Variants in SLC8A1 observed in about 807,000 individuals in gnomAD.
SLC8A1 encodes sodium/calcium exchanger 1.
In SLC8A1, 18 loss-of-function variants were observed where a neutral mutation model predicts 68.3. The ratio of observed to expected loss-of-function variants is 0.26; its 90% confidence interval spans 0.18 to 0.39. SLC8A1 has a LOEUF of 0.39. Ranked by LOEUF, SLC8A1 falls within the 10% of genes least tolerant of loss-of-function variation. The probability of loss-of-function intolerance (pLI) is 1.00; values close to 1 mark genes in which losing one functional copy is unlikely to be tolerated. For synonymous variants in SLC8A1, 475 were observed against 415.5 expected (o/e 1.14, Z -1.74); for missense variants, 985 against 1,156.7 (o/e 0.85, Z 2.15).
chr2:40,174,386 C>T (rs1412430434), intron 4 of SLC8A1, among the ~76,000 whole-genome samples: 2 of 152,068 alleles, frequency 1.3e-5, no homozygotes, highest in Admixed American at 6.5e-5. Flanking sequence ...TTCTATGTTT[C>T]TCTGAGGCTA....
chr2:40,482,951 C>T (rs906547121), intron 1 of SLC8A1, among the ~76,000 whole-genome samples: 2 of 147,662 alleles, frequency 1.4e-5, no homozygotes, highest in Admixed American at 6.7e-5. Context: ...CCACCACGCC[C>T]GGCTTTTTTT....
rs1468532032 is a variant in SLC8A1, at chr2:40,371,014, G to C, written c.1808+57459C>G. Among the ~76,000 whole-genome samples, 7 of 152,044 alleles carry C rather than the reference G, an allele frequency of 4.6e-5. No homozygotes were observed. In the East Asian group the frequency reaches 1.4e-3, roughly 30 times the overall value. On this transcript the variant is annotated intron_variant, in intron 2 of 7. Transcript: ENST00000406785. ...ACCTACATTTCATTTTCTGACTCGG[G>C]GTACCTAAGAGGCTGTCTCTCTTAC...
chr2:40,277,810 A>G (rs1030119110), intron 2 of SLC8A1, among the ~76,000 whole-genome samples: 3 of 110,010 alleles, frequency 2.7e-5, no homozygotes, highest in African/African-American at 5.9e-5. Flanking sequence ...ATATATATAT[A>G]TATATATATA....
chr2:40,347,710 G>A (rs565066577), intron 2 of SLC8A1, among the ~76,000 whole-genome samples: 14 of 152,200 alleles, frequency 9.2e-5, no homozygotes, highest in African/African-American at 2.4e-4. Flanking sequence ...AAATACTTTC[G>A]AAATATTGTG....
chr2:40,142,614 A>C (rs2041790696), intron 6 of SLC8A1, among the ~76,000 whole-genome samples: 1 of 152,220 alleles, frequency 6.6e-6, no homozygotes, highest in Admixed American at 6.5e-5. Context: ...AAGAGAACAA[A>C]TAATGAAGCT....
At chr2:40,405,917 T>C (rs919924544) in intron 2 of SLC8A1, among the ~76,000 whole-genome samples, 1 of 152,208 alleles carries the variant, frequency 6.6e-6, no homozygotes, top group East Asian at 1.9e-4. Flanking sequence ...GTTTTGAAAA[T>C]GATTAGCATG....
chr2:40,319,639 C>A (rs755373753), intron 2 of SLC8A1, among the ~76,000 whole-genome samples: 2 of 152,098 alleles, frequency 1.3e-5, no homozygotes, highest in African/African-American at 4.8e-5. Flanking sequence ...TTCCGCCTGT[C>A]ACAAAGCTCC....
At chr2:40,326,940 G>C (rs1217030535) in intron 2 of SLC8A1, among the ~76,000 whole-genome samples, 1 of 152,128 alleles carries the variant, frequency 6.6e-6, no homozygotes, top group Non-Finnish European at 1.5e-5. Context: ...AATTGCTAAT[G>C]GTCCAAGTAA....
intron 2 of SLC8A1, among the ~76,000 whole-genome samples, chr2:40,305,438 G>A (rs2072384118): frequency 6.6e-6 from 1 of 152,160 alleles, no homozygotes; most frequent in Non-Finnish European, 1.5e-5. Flanking sequence ...TCTAGACATT[G>A]CCAGATAGTT....
intron 7 of SLC8A1, among the ~76,000 whole-genome samples, chr2:40,132,083 T>A (rs1298352315): frequency 1.3e-5 from 2 of 152,084 alleles, no homozygotes; most frequent in African/African-American, 4.8e-5. Context: ...AATGTAATCT[T>A]ACTGTTGCAT....
chr2:40,409,277 T>A (rs970245501), intron 2 of SLC8A1, among the ~76,000 whole-genome samples: 4 of 152,100 alleles, frequency 2.6e-5, no homozygotes, highest in Non-Finnish European at 5.9e-5. Context: ...TATTCTAATT[T>A]TTTTCCTACG....
At chr2:40,348,751 C>G (rs559933710) in intron 2 of SLC8A1, among the ~76,000 whole-genome samples, 1 of 152,148 alleles carries the variant, frequency 6.6e-6, no homozygotes, top group East Asian at 1.9e-4. Flanking sequence ...CTTAATGACT[C>G]TTGGTGGTTT....
At chr2:40,151,919 G>A (rs969383262) in intron 6 of SLC8A1, among the ~76,000 whole-genome samples, 2 of 152,162 alleles carry the variant, frequency 1.3e-5, no homozygotes, top group Non-Finnish European at 2.9e-5. Context: ...ACTCCAATGA[G>A]GGCAGTTTTA....
chr2:40,226,411 C>G (rs1042657116), intron 2 of SLC8A1, among the ~76,000 whole-genome samples: 1 of 152,060 alleles, frequency 6.6e-6, no homozygotes, highest in Non-Finnish European at 1.5e-5. Context: ...ATAATGAAGG[C>G]TTGGAAATGT....
At chr2:40,303,939 C>G (rs1391260064) in intron 2 of SLC8A1, among the ~76,000 whole-genome samples, 3 of 152,138 alleles carry the variant, frequency 2.0e-5, no homozygotes, top group Non-Finnish European at 4.4e-5. Context: ...CTTTTTCTTT[C>G]AGAGCAAGTA....
At chr2:40,237,527 C>T (rs1252184974) in intron 2 of SLC8A1, among the ~76,000 whole-genome samples, 3 of 151,686 alleles carry the variant, frequency 2.0e-5, no homozygotes, top group African/African-American at 4.8e-5. Context: ...TCAAAGTTTT[C>T]AACTTCTTTG....
chr2:40,114,213 G>A (rs1256344298), exon 8 of SLC8A1: 1 of 152,762 alleles, frequency 6.5e-6, no homozygotes, highest in African/African-American at 2.4e-5. Flanking sequence ...GGCACATGAA[G>A]AAGGAGCAAA....
chr2:40,180,171 T>C (rs2049210299), intron 2 of SLC8A1, among the ~76,000 whole-genome samples: 1 of 152,154 alleles, frequency 6.6e-6, no homozygotes, highest in Non-Finnish European at 1.5e-5. Flanking sequence ...TAATGTCCAG[T>C]TACATGTATA....
intron 2 of SLC8A1, among the ~76,000 whole-genome samples, chr2:40,307,060 C>T (rs2072763458): frequency 6.6e-6 from 1 of 151,920 alleles, no homozygotes; most frequent in South Asian, 2.1e-4. Context: ...ATGTTCATAG[C>T]AGCACTGTCC....
Sources: allele counts gnomAD v4.1 joint callset (sites outside exome capture counted in the v4.1 genomes callset), GRCh38; gene constraint gnomAD v4.1.1; transcripts MANE v1.5; gene names NCBI Gene and HGNC (gene_info 2026-07-23, HGNC 2026-07-21).